The following TRIP4 variants were observed in gnomAD, a reference collection of about 807,000 sequenced individuals.
The protein encoded by TRIP4 is activating signal cointegrator 1.
A neutral mutation model predicts 81.8 loss-of-function variants in TRIP4; 54 were observed. The ratio of observed to expected loss-of-function variants is 0.66; its 90% confidence interval spans 0.53 to 0.83. The LOEUF is 0.83. Among genes scored for constraint, TRIP4 ranks in the 40% least tolerant of loss-of-function variants. TRIP4 has a pLI of 0.00. For missense variants in TRIP4, 662 were observed against 683.6 expected (o/e 0.97, Z 0.35); for synonymous variants, 270 against 242.8 (o/e 1.11, Z -1.04).
At chr15:64,411,223 T>C (rs182167752) in intron 7 of TRIP4, among the ~76,000 whole-genome samples, 1 of 152,188 alleles carries the variant, frequency 6.6e-6, no homozygotes, top group Admixed American at 6.6e-5. Context: ...TATGTAGTTA[T>C]AATGGTAAAT....
intron 5 of TRIP4, among the ~76,000 whole-genome samples, chr15:64,403,914 G>A (rs79651740): frequency 0.017 from 2,631 of 152,168 alleles, 17 homozygotes; most frequent in East Asian, 0.028. Context: ...ATAAATAGCC[G>A]GGCATGGTGG....
intron 12 of TRIP4, among the ~76,000 whole-genome samples, chr15:64,454,350 A>T (rs1293974248): frequency 6.6e-6 from 1 of 152,126 alleles, no homozygotes; most frequent in Admixed American, 6.6e-5. Flanking sequence ...AGATCTGAGA[A>T]GAGGTCAGAG....
At chr15:64,435,507 C>CA (rs1354827219) in intron 11 of TRIP4, among the ~76,000 whole-genome samples, 3 of 129,202 alleles carry the variant, frequency 2.3e-5, no homozygotes, top group Non-Finnish European at 4.8e-5. Context: ...ACCTGGGCGA[C>CA]AGAGTGAGAC....
rs746108802 is a variant in TRIP4 at position 64,455,013 on chromosome 15, G to T, written c.1695G>T (p.Lys565Asn). Residue 565 changes from lysine (K) to asparagine (N), a missense_variant, in exon 13 of 13, where the codon AAG becomes AAT. Coordinates refer to ENST00000261884, the MANE Select transcript of TRIP4 (RefSeq NM_016213.5). ...CCCTTACAGGGAAATTGGATTCCAA[G>T]ATCCATCAAGGAGCAAAGAAGGGGT... ...GNPKIWKLDSKIHQGAKKGLM... is the reference protein window; with the variant it reads ...GNPKIWKLDSNIHQGAKKGLM... 1.2e-6 allele frequency: 2 copies of T among 1,613,838 alleles called. No homozygotes were observed. Among genetic ancestry groups the T allele is most frequent in the African/African-American group, 2.7e-5 (2 of 74,918 alleles).
chr15:64,436,763 C>T (rs1415582146), intron 11 of TRIP4, among the ~76,000 whole-genome samples: 16 of 21,416 alleles, frequency 7.5e-4, no homozygotes, highest in Non-Finnish European at 1.1e-3. Flanking sequence ...CCATCTATGC[C>T]TTTTTTTTTT....
At chr15:64,409,552 C>T (rs759439938) in intron 6 of TRIP4, 61 bp from the exon 7 acceptor site, 20 of 1,500,086 alleles carry the variant, frequency 1.3e-5, no homozygotes, top group Non-Finnish European at 1.8e-5. Flanking sequence ...AACTGTTTTC[C>T]AATAATCGGT....
chr15:64,394,141 T>C (rs1398987482), intron 2 of TRIP4, 26 bp downstream of exon 2: 1 of 1,547,804 alleles, frequency 6.5e-7, no homozygotes, highest in South Asian at 1.3e-5. Flanking sequence ...TATGCAAATG[T>C]TGAAATATTG....
intron 7 of TRIP4, among the ~76,000 whole-genome samples, chr15:64,413,526 G>A (rs1267911825): frequency 3.3e-5 from 5 of 152,082 alleles, no homozygotes; most frequent in African/African-American, 7.2e-5. Context: ...TGTTGAGCAG[G>A]TGAATGACTG....
chr15:64,425,709 A>G, intron 11 of TRIP4, 78 bp downstream of exon 11: 1 of 1,136,620 alleles, frequency 8.8e-7, no homozygotes, highest in East Asian at 2.4e-5. Context: ...GCACTTTAAG[A>G]GGCTGGGCCT....
chr15:64,406,462 A>T lies in TRIP4; in HGVS notation c.827+3A>T. On this transcript the variant is annotated splice_donor_region_variant and intron_variant, in intron 6 of 12. Transcript: ENST00000261884. ...CTGTTAGAGTTTGACAGAACTAGGT[A>T]TGAAAGGGTTAGAATAACAAATGCT... 6.2e-7 allele frequency: 1 copy of T among 1,613,044 alleles called. No homozygotes were observed. The highest frequency in any genetic ancestry group is 8.5e-7 in the Non-Finnish European group (1 of 1,179,744).
At chr15:64,435,335 T>C (rs1892366602) in intron 11 of TRIP4, among the ~76,000 whole-genome samples, 1 of 148,978 alleles carries the variant, frequency 6.7e-6, no homozygotes, top group South Asian at 2.1e-4. Flanking sequence ...GCCTGGTCAA[T>C]GTGATGAAAC....
At chr15:64,407,508 TA>T (rs1427662362) in intron 6 of TRIP4, among the ~76,000 whole-genome samples, 2 of 151,342 alleles carry the variant, frequency 1.3e-5, no homozygotes, top group Non-Finnish European at 2.9e-5. Context: ...TCACTAAAAA[TA>T]CAAAAAAATT....
At chr15:64,427,742 A>G (rs1176558353) in intron 11 of TRIP4, among the ~76,000 whole-genome samples, 3 of 151,890 alleles carry the variant, frequency 2.0e-5, no homozygotes, top group African/African-American at 7.3e-5. Flanking sequence ...CTTGTGAGTT[A>G]CCTCCTCTGC....
chr15:64,401,812 A>G (rs559433687), intron 5 of TRIP4, among the ~76,000 whole-genome samples: 1 of 152,292 alleles, frequency 6.6e-6, no homozygotes, highest in Non-Finnish European at 1.5e-5. Flanking sequence ...TTAGAACACT[A>G]CAGTAGTAAC....
At chr15:64,414,014 T>C in intron 7 of TRIP4, 71 bp from the exon 8 acceptor site, 1 of 1,555,126 alleles carries the variant, frequency 6.4e-7, no homozygotes. Context: ...TTAAAGCATT[T>C]TATGTTGGTG....
In TRIP4 at chr15:64,416,261, A is replaced by G. The variant is rs533615994; in HGVS notation, c.1170+2050A>G. 5.3e-5 allele frequency among the ~76,000 whole-genome samples: 8 copies of G among 152,276 alleles called. No homozygotes were observed. In the East Asian group the frequency reaches 9.6e-4, roughly 18 times the overall value. On this transcript the variant is annotated intron_variant, in intron 8 of 12. Coordinates refer to ENST00000261884, the MANE Select transcript of TRIP4 (RefSeq NM_016213.5). Reference sequence around the variant, plus strand: ...AAAAATAATTATCATCATAAAGACTAAAAATGTAGATGAAGAGACCTGCTG... The same window carrying G: ...AAAAATAATTATCATCATAAAGACTGAAAATGTAGATGAAGAGACCTGCTG...
intron 3 of TRIP4, 59 bp downstream of exon 3, chr15:64,395,590 C>T (rs1900268330): frequency 6.5e-7 from 1 of 1,537,746 alleles, no homozygotes. Flanking sequence ...GTGACTAATA[C>T]ATTTCAGAGA....
chr15:64,394,607 A>C (rs1304647790), intron 2 of TRIP4, among the ~76,000 whole-genome samples: 1 of 150,044 alleles, frequency 6.7e-6, no homozygotes, highest in Admixed American at 6.6e-5. Flanking sequence ...TCCATCTCAA[A>C]AAAAAAAAAA....
At chr15:64,440,017 A>G (rs1892482104) in intron 11 of TRIP4, among the ~76,000 whole-genome samples, 1 of 151,940 alleles carries the variant, frequency 6.6e-6, no homozygotes, top group Non-Finnish European at 1.5e-5. Flanking sequence ...AAAACTGCTA[A>G]CCAATTTTTT....
Sources: gnomAD v4.1 joint callset for allele counts (sites outside exome capture counted in the v4.1 genomes callset) on GRCh38, gnomAD v4.1.1 for gene constraint, MANE v1.5 for transcripts, NCBI Gene and HGNC (gene_info 2026-07-23, HGNC 2026-07-21) for gene names.